ZNF804B: variants seen among roughly 807,000 people sequenced by gnomAD.
ZNF804B encodes the protein zinc finger protein 804B.
In ZNF804B, 80 loss-of-function variants were observed where a neutral mutation model predicts 101.4. The observed-to-expected ratio is 0.79, with a 90% confidence interval of 0.66 to 0.95. The LOEUF (loss-of-function observed/expected upper bound fraction) is 0.95, where lower values mean the gene tolerates loss of function less well. Among genes scored for constraint, ZNF804B ranks in the 40% least tolerant of loss-of-function variants. The pLI is 0.00. For synonymous variants in ZNF804B, 622 were observed against 558.8 expected, an observed-to-expected ratio of 1.11 and a Z score of -1.59; for missense variants, 1,673 against 1,561.9, an observed-to-expected ratio of 1.07 and a Z score of -1.20.
At chr7:89,205,755 G>T (rs1478454888) in intron 1 of ZNF804B, among the ~76,000 whole-genome samples, 1 of 152,178 alleles carries the variant, frequency 6.6e-6, no homozygotes, top group African/African-American at 2.4e-5. Context: ...GGCACACAGT[G>T]CAAGCTGTTG....
intron 1 of ZNF804B, among the ~76,000 whole-genome samples, chr7:89,057,850 C>T (rs1176942316): frequency 1.3e-5 from 2 of 152,082 alleles, no homozygotes; most frequent in Non-Finnish European, 2.9e-5. Context: ...CTTTGAGGAG[C>T]TTGGTCAAGG....
chr7:88,873,197 G>C (rs561724524), intron 1 of ZNF804B, among the ~76,000 whole-genome samples: 2,432 of 152,280 alleles, frequency 0.016, 38 homozygotes, highest in Middle Eastern at 0.044. Flanking sequence ...TTGTGGTTTT[G>C]ATTTGCATTT....
At chr7:89,263,344 C>T (rs1264765223) in intron 2 of ZNF804B, among the ~76,000 whole-genome samples, 16 of 141,758 alleles carry the variant, frequency 1.1e-4, no homozygotes, top group Non-Finnish European at 2.0e-4. Context: ...TAAAGTTGTG[C>T]TTTGATATGG....
At chr7:88,992,028 C>T (rs1460207290) in intron 1 of ZNF804B, among the ~76,000 whole-genome samples, 1 of 152,108 alleles carries the variant, frequency 6.6e-6, no homozygotes. Flanking sequence ...CTTGGCTATT[C>T]TTTTACTTCT....
intron 1 of ZNF804B, among the ~76,000 whole-genome samples, chr7:88,778,391 G>A (rs973982816): frequency 6.6e-5 from 10 of 152,110 alleles, no homozygotes; most frequent in African/African-American, 1.7e-4. Context: ...CATCTATAAA[G>A]TCTCTTTTGA....
chr7:88,763,314 T>A (rs1789926005), intron 1 of ZNF804B, among the ~76,000 whole-genome samples: 3 of 152,260 alleles, frequency 2.0e-5, no homozygotes, highest in South Asian at 4.1e-4. Context: ...AATGAGTTAT[T>A]TGAGAAATAA....
intron 1 of ZNF804B, among the ~76,000 whole-genome samples, chr7:89,167,249 A>G (rs1474456573): frequency 6.6e-6 from 1 of 151,502 alleles, no homozygotes; most frequent in Non-Finnish European, 1.5e-5. Context: ...CAGCCTGGCC[A>G]ACATGGTGAA....
chr7:89,034,396 C>T (rs1371014026), intron 1 of ZNF804B, among the ~76,000 whole-genome samples: 2 of 152,012 alleles, frequency 1.3e-5, no homozygotes, highest in African/African-American at 4.8e-5. Flanking sequence ...GCTATCCCTC[C>T]CCTAGCCCCC....
intron 1 of ZNF804B, among the ~76,000 whole-genome samples, chr7:88,925,297 T>C (rs1157137399): frequency 1.3e-5 from 2 of 152,158 alleles, no homozygotes; most frequent in African/African-American, 4.8e-5. Flanking sequence ...TGCTGCTTCC[T>C]ACCTGTTGTA....
intron 1 of ZNF804B, among the ~76,000 whole-genome samples, chr7:88,842,582 G>C (rs939193440): frequency 6.6e-6 from 1 of 152,178 alleles, no homozygotes; most frequent in Non-Finnish European, 1.5e-5. Flanking sequence ...AGTTAAGGAA[G>C]GTTGCCACCT....
chr7:88,835,970 C>G (rs1791210630), intron 1 of ZNF804B, among the ~76,000 whole-genome samples: 1 of 151,870 alleles, frequency 6.6e-6, no homozygotes, highest in Non-Finnish European at 1.5e-5. Flanking sequence ...GCCAAACATT[C>G]TCTGTAAAGG....
intron 1 of ZNF804B, among the ~76,000 whole-genome samples, chr7:89,042,488 C>T (rs1388929934): frequency 6.6e-6 from 1 of 152,102 alleles, no homozygotes; most frequent in Non-Finnish European, 1.5e-5. Flanking sequence ...TTTACCAAAT[C>T]TGAGATTTTT....
At chr7:89,204,144 T>A (rs200334272) in intron 1 of ZNF804B, among the ~76,000 whole-genome samples, 2 of 152,194 alleles carry the variant, frequency 1.3e-5, no homozygotes, top group Non-Finnish European at 2.9e-5. Context: ...AACTTAGTTG[T>A]CCAACGTTTT....
chr7:89,320,359 TA>T (rs1790801124), intron 2 of ZNF804B, among the ~76,000 whole-genome samples: 1 of 151,948 alleles, frequency 6.6e-6, no homozygotes, highest in East Asian at 1.9e-4. Context: ...TGCTAGAAAC[TA>T]AAAACATGGT....
intron 1 of ZNF804B, among the ~76,000 whole-genome samples, chr7:88,927,199 G>A (rs1315418916): frequency 6.6e-6 from 1 of 152,136 alleles, no homozygotes; most frequent in Non-Finnish European, 1.5e-5. Flanking sequence ...CCTATTGAAA[G>A]CATTGGAAGA....
intron 1 of ZNF804B, among the ~76,000 whole-genome samples, chr7:88,763,555 G>C (rs1424181306): frequency 7.0e-6 from 1 of 142,978 alleles, no homozygotes; most frequent in African/African-American, 2.6e-5. Flanking sequence ...ACATATTAAA[G>C]AAAGTAAAAA....
intron 1 of ZNF804B, among the ~76,000 whole-genome samples, chr7:88,839,506 G>A (rs909650932): frequency 6.6e-5 from 10 of 151,904 alleles, no homozygotes; most frequent in Admixed American, 2.6e-4. Context: ...TTAAGGCCAG[G>A]CGAATCATCT....
intron 1 of ZNF804B, among the ~76,000 whole-genome samples, chr7:88,877,940 A>T (rs1262087997): frequency 2.0e-5 from 3 of 152,154 alleles, no homozygotes; most frequent in African/African-American, 7.2e-5. Context: ...TTTTGAGAAT[A>T]TTCCTCATTA....
At chr7:89,032,061 T>C (rs1788845404) in intron 1 of ZNF804B, among the ~76,000 whole-genome samples, 2 of 152,120 alleles carry the variant, frequency 1.3e-5, no homozygotes, top group South Asian at 4.1e-4. Flanking sequence ...GGAGAATAAA[T>C]GATATATCAG....
Sources: gnomAD v4.1 joint callset for allele counts (sites outside exome capture counted in the v4.1 genomes callset) on GRCh38, gnomAD v4.1.1 for gene constraint, MANE v1.5 for transcripts, NCBI Gene and HGNC (gene_info 2026-07-23, HGNC 2026-07-21) for gene names.